LARGE1: variants seen among roughly 807,000 people sequenced by gnomAD.
LARGE1 encodes xylosyl- and glucuronyltransferase LARGE1.
In LARGE1, 43 loss-of-function variants were observed where a neutral mutation model predicts 87.6. The ratio of observed to expected loss-of-function variants is 0.49; its 90% CI spans 0.38 to 0.63. The LOEUF (loss-of-function observed/expected upper bound fraction) is 0.63, where lower values mean the gene tolerates loss of function less well. Among genes scored for constraint, LARGE1 ranks in the 30% least tolerant of loss-of-function variants. LARGE1 has a pLI of 0.00. For synonymous variants in LARGE1, 434 were observed against 394.6 expected (o/e 1.10, Z -1.18); for missense variants, 802 against 1,000.2 (o/e 0.80, Z 2.67).
At chr22:33,366,362 T>C (rs560277844) in intron 9 of LARGE1, among the ~76,000 whole-genome samples, 1 of 152,380 alleles carries the variant, frequency 6.6e-6, no homozygotes, top group Admixed American at 6.5e-5. Context: ...AGGTTTTCAC[T>C]AGTTACTATT....
intron 10 of LARGE1, among the ~76,000 whole-genome samples, chr22:33,317,011 C>T (rs1362366378): frequency 6.6e-6 from 1 of 152,062 alleles, no homozygotes; most frequent in African/African-American, 2.4e-5. Flanking sequence ...GTCAGGAGTT[C>T]GAGACCACCC....
At chr22:33,168,263 G>A (rs531037651) in intron 11 of LARGE1, among the ~76,000 whole-genome samples, 1 of 152,286 alleles carries the variant, frequency 6.6e-6, no homozygotes, top group South Asian at 2.1e-4. Flanking sequence ...GGATCTCAGC[G>A]TGGATAGGAT....
At chr22:33,365,587 A>G (rs960358883) in intron 9 of LARGE1, among the ~76,000 whole-genome samples, 1 of 149,964 alleles carries the variant, frequency 6.7e-6, no homozygotes, top group Non-Finnish European at 1.5e-5. Context: ...TGTCAGTTAC[A>G]TGTGTTGAAG....
intron 1 of LARGE1, among the ~76,000 whole-genome samples, chr22:33,891,093 C>G: frequency 6.6e-6 from 1 of 151,864 alleles, no homozygotes; most frequent in Admixed American, 6.6e-5. Flanking sequence ...CTCGTCTCCT[C>G]AACAGGCAGG....
intron 2 of LARGE1, among the ~76,000 whole-genome samples, chr22:33,755,039 A>G (rs996880034): frequency 1.3e-5 from 2 of 152,194 alleles, no homozygotes; most frequent in African/African-American, 4.8e-5. Flanking sequence ...CCCCCATAAT[A>G]ATAAGGCAAA....
intron 1 of LARGE1, among the ~76,000 whole-genome samples, chr22:33,777,290 A>G (rs1012362983): frequency 6.6e-6 from 1 of 152,124 alleles, no homozygotes; most frequent in Non-Finnish European, 1.5e-5. Flanking sequence ...TTCCTTCCAC[A>G]GTCCCTAGGG....
chr22:33,751,979 G>A (rs1016503433), intron 2 of LARGE1, among the ~76,000 whole-genome samples: 7 of 152,132 alleles, frequency 4.6e-5, no homozygotes, highest in East Asian at 3.9e-4. Flanking sequence ...ATGGGGGTTC[G>A]CCACATTGGC....
intron 7 of LARGE1, among the ~76,000 whole-genome samples, chr22:33,402,864 A>AC (rs1326448918): frequency 2.6e-5 from 4 of 152,190 alleles, no homozygotes; most frequent in Non-Finnish European, 5.9e-5. Flanking sequence ...GCTTACTAGG[A>AC]CCCAGGCACT....
At chr22:33,827,364 G>C (rs113107842) in intron 1 of LARGE1, among the ~76,000 whole-genome samples, 2 of 151,540 alleles carry the variant, frequency 1.3e-5, no homozygotes, top group African/African-American at 4.9e-5. Context: ...AGCAAGACCC[G>C]GTCTCAAAAA....
At chr22:33,696,776 G>T (rs1259849283) in intron 2 of LARGE1, among the ~76,000 whole-genome samples, 1 of 152,090 alleles carries the variant, frequency 6.6e-6, no homozygotes, top group Non-Finnish European at 1.5e-5. Flanking sequence ...GAATTCCATT[G>T]TAATTTACCT....
At chr22:33,857,241 G>T (rs1348450507) in intron 1 of LARGE1, among the ~76,000 whole-genome samples, 2 of 152,150 alleles carry the variant, frequency 1.3e-5, no homozygotes, top group African/African-American at 4.8e-5. Flanking sequence ...TTAAGTAAAG[G>T]TTCATGGGGC....
chr22:33,512,796 T>G (rs1404359295), intron 6 of LARGE1, among the ~76,000 whole-genome samples: 1 of 152,154 alleles, frequency 6.6e-6, no homozygotes, highest in African/African-American at 2.4e-5. Context: ...ACAGTGAAAC[T>G]CCATCTCAAA....
chr22:33,478,358 C>T (rs1303991814), intron 6 of LARGE1, among the ~76,000 whole-genome samples: 1 of 152,256 alleles, frequency 6.6e-6, no homozygotes, highest in African/African-American at 2.4e-5. Flanking sequence ...CACCCACAAT[C>T]TCCCCAATGT....
At chr22:33,915,746 G>A (rs1052274980) in intron 1 of LARGE1, among the ~76,000 whole-genome samples, 10 of 152,110 alleles carry the variant, frequency 6.6e-5, no homozygotes, top group Non-Finnish European at 1.2e-4. Context: ...AGAAGCGGGG[G>A]CACAGTCCTC....
intron 6 of LARGE1, among the ~76,000 whole-genome samples, chr22:33,543,740 T>C (rs1168746915): frequency 6.6e-6 from 1 of 152,222 alleles, no homozygotes; most frequent in Non-Finnish European, 1.5e-5. Flanking sequence ...AAAATCTGTC[T>C]TCTCTTTTCA....
intron 3 of LARGE1, among the ~76,000 whole-genome samples, chr22:33,646,373 G>T (rs556689711): frequency 1.4e-4 from 21 of 152,238 alleles, no homozygotes; most frequent in African/African-American, 5.1e-4. Context: ...CTCGTAAGTG[G>T]GAGTTGAACA....
intron 9 of LARGE1, among the ~76,000 whole-genome samples, chr22:33,374,929 T>G (rs1413372843): frequency 2.6e-5 from 4 of 152,216 alleles, no homozygotes; most frequent in African/African-American, 9.6e-5. Context: ...GCTATTGTTT[T>G]GAATTCTTCT....
chr22:33,781,488 G>A (rs1371773342), intron 1 of LARGE1, among the ~76,000 whole-genome samples: 2 of 152,084 alleles, frequency 1.3e-5, no homozygotes, highest in African/African-American at 2.4e-5. Context: ...GCAACAGAAC[G>A]AGACTCTGCC....
At chr22:33,900,940 G>A (rs951776878) in intron 1 of LARGE1, among the ~76,000 whole-genome samples, 1 of 152,146 alleles carries the variant, frequency 6.6e-6, no homozygotes, top group South Asian at 2.1e-4. Flanking sequence ...CCACCTACTC[G>A]GGAGGCTGAG....
Sources: allele counts gnomAD v4.1 joint callset (sites outside exome capture counted in the v4.1 genomes callset), GRCh38; gene constraint gnomAD v4.1.1; transcripts MANE v1.5; gene names NCBI Gene and HGNC (gene_info 2026-07-23, HGNC 2026-07-21).